Variants in COG6 observed in about 807,000 individuals in gnomAD.
The protein encoded by COG6 is conserved oligomeric Golgi complex subunit 6.
In COG6, 74 loss-of-function variants were observed where a neutral mutation model predicts 88.8. The observed-to-expected ratio is 0.83, with a 90% CI of 0.69 to 1.01. The LOEUF (loss-of-function observed/expected upper bound fraction) is 1.01. COG6 is among the 50% of genes least tolerant of loss of function. The pLI, the probability that COG6 is intolerant of heterozygous loss-of-function variation, is 0.00. For synonymous variants in COG6, 286 were observed against 278.7 expected (o/e 1.03, Z -0.26); for missense variants, 800 against 797.9 (o/e 1.00, Z -0.03).
intron 18 of COG6, among the ~76,000 whole-genome samples, chr13:39,743,934 C>T (rs1290705091): frequency 1.3e-5 from 2 of 151,970 alleles, no homozygotes; most frequent in Non-Finnish European, 1.5e-5. Context: ...CCCTGGGATG[C>T]AAGGCTGGTT....
At position 39,679,625 on chromosome 13, in the gene COG6, GT is replaced by G; in HGVS notation, c.623+6del. Reference sequence around the variant, plus strand: ...TACAAATCAACAAACGGCAGGGTGAGTAACTGCTCACTGAACTAATTGCATT... The same window carrying G: ...TACAAATCAACAAACGGCAGGGTGAGAACTGCTCACTGAACTAATTGCATT... On this transcript the variant is annotated splice_donor_region_variant and intron_variant, in intron 6 of 18. Transcript: ENST00000455146. 1 of 1,566,478 alleles carries G rather than the reference GT, an allele frequency of 6.4e-7. No homozygotes were observed. The highest frequency in any genetic ancestry group is 8.8e-7 in the Non-Finnish European group (1 of 1,136,706).
intron 13 of COG6, among the ~76,000 whole-genome samples, chr13:39,705,795 A>G (rs1417773460): frequency 1.3e-5 from 2 of 152,154 alleles, no homozygotes; most frequent in African/African-American, 2.4e-5. Context: ...CTTACTAGAC[A>G]TGCAGATATC....
At chr13:39,664,269 GTT>G (rs1875103078) in intron 3 of COG6, 1 of 153,562 alleles carries the variant, frequency 6.5e-6, no homozygotes. Flanking sequence ...TATTTTATGT[GTT>G]TTTCTCCACT....
chr13:39,755,585 G>GGGAAGCTCTTACA (rs1566041153), downstream of COG6, among the ~76,000 whole-genome samples: 3 of 152,226 alleles, frequency 2.0e-5, no homozygotes, highest in Non-Finnish European at 2.9e-5. Flanking sequence ...AAGCTCTTAC[G>GGGAAGCTCTTACA]TATTTCTGGG....
intron 8 of COG6, among the ~76,000 whole-genome samples, chr13:39,684,592 A>G (rs1363323786): frequency 6.6e-6 from 1 of 152,156 alleles, no homozygotes; most frequent in African/African-American, 2.4e-5. Flanking sequence ...TGAGTAGGAA[A>G]GTAAGTTTTT....
intron 13 of COG6, among the ~76,000 whole-genome samples, chr13:39,704,946 CA>C (rs745842612): frequency 5.3e-5 from 8 of 152,080 alleles, no homozygotes; most frequent in Non-Finnish European, 1.0e-4. Context: ...ATTCTCTTTA[CA>C]ACTCATATGT....
chr13:39,659,610 A>G (rs1874769047), intron 2 of COG6, 103 bp downstream of exon 2: 3 of 915,136 alleles, frequency 3.3e-6, no homozygotes, highest in Admixed American at 2.0e-5. Context: ...TGCTATTTGT[A>G]TACTATGCCC....
At chr13:39,707,929 T>C (rs1028018923) in intron 13 of COG6, among the ~76,000 whole-genome samples, 19 of 152,224 alleles carry the variant, frequency 1.2e-4, no homozygotes, top group Non-Finnish European at 2.4e-4. Flanking sequence ...ATCTGGATTA[T>C]AAGATTGATT....
intron 12 of COG6, among the ~76,000 whole-genome samples, chr13:39,699,222 A>G (rs1050736921): frequency 2.0e-5 from 3 of 151,790 alleles, no homozygotes; most frequent in African/African-American, 7.2e-5. Context: ...ATAGGGTTTT[A>G]TATATCACAA....
At chr13:39,773,894 A>G (rs1397605823) in intron 18 of COG6, among the ~76,000 whole-genome samples, 1 of 149,108 alleles carries the variant, frequency 6.7e-6, no homozygotes, top group East Asian at 2.0e-4. Context: ...TTACCCAATC[A>G]TGTCTAAATA....
intron 11 of COG6, among the ~76,000 whole-genome samples, chr13:39,692,070 G>A (rs11843585): frequency 0.085 from 12,881 of 151,982 alleles, 649 homozygotes; most frequent in South Asian, 0.15. Context: ...TTAGTAAAGT[G>A]AAACATCATA....
intron 11 of COG6, among the ~76,000 whole-genome samples, chr13:39,691,514 T>G (rs569102655): frequency 4.7e-4 from 72 of 152,092 alleles, no homozygotes; most frequent in Non-Finnish European, 7.7e-4. Flanking sequence ...GGCAGAAACT[T>G]CAAATCTTTC....
At chr13:39,785,845 G>A (rs190290381) in intron 18 of COG6, among the ~76,000 whole-genome samples, 50 of 152,258 alleles carry the variant, frequency 3.3e-4, no homozygotes, top group Middle Eastern at 6.8e-3. Context: ...AAATCAAAAC[G>A]GAGAGAGTAG....
chr13:39,732,159 A>G (rs1879488327), intron 18 of COG6, among the ~76,000 whole-genome samples: 1 of 152,198 alleles, frequency 6.6e-6, no homozygotes, highest in African/African-American at 2.4e-5. Flanking sequence ...CCCGGAAATT[A>G]TGCTTTATCA....
intron 10 of COG6, among the ~76,000 whole-genome samples, chr13:39,689,356 C>G (rs151236347): frequency 1.7e-3 from 263 of 152,084 alleles, no homozygotes; most frequent in African/African-American, 6.0e-3. Flanking sequence ...ATCTTTATAC[C>G]CTCAGTGTAT....
chr13:39,773,495 A>G (rs758074964), intron 18 of COG6, among the ~76,000 whole-genome samples: 2 of 152,234 alleles, frequency 1.3e-5, no homozygotes, highest in African/African-American at 2.4e-5. Flanking sequence ...CTCTGCTTCA[A>G]TTAGAACAAG....
intron 18 of COG6, among the ~76,000 whole-genome samples, chr13:39,741,693 CA>C (rs756991564): frequency 3.3e-5 from 5 of 152,002 alleles, no homozygotes; most frequent in Non-Finnish European, 5.9e-5. Flanking sequence ...GGATGTTATC[CA>C]GGAGAACTTC....
intron 3 of COG6, 23 bp from the exon 4 acceptor site, chr13:39,665,068 CTTATA>C: frequency 9.7e-7 from 1 of 1,028,182 alleles, no homozygotes; most frequent in Non-Finnish European, 1.5e-6. Flanking sequence ...TTGGAATTTA[CTTATA>C]TTAGATATGT....
chr13:39,764,766 A>G (rs1053078323), intron 18 of COG6, among the ~76,000 whole-genome samples: 5 of 152,068 alleles, frequency 3.3e-5, no homozygotes, highest in Non-Finnish European at 5.9e-5. Flanking sequence ...ATTCATACGT[A>G]CTTTATGGTC....
Sources: allele counts gnomAD v4.1 joint callset (sites outside exome capture counted in the v4.1 genomes callset), GRCh38; gene constraint gnomAD v4.1.1; transcripts MANE v1.5; gene names NCBI Gene and HGNC (gene_info 2026-07-23, HGNC 2026-07-21).